The following CDC42EP4 variants were observed in gnomAD, a reference collection of about 807,000 sequenced individuals.
The protein encoded by CDC42EP4 is CDC42 effector protein (Rho GTPase binding) 4.
In CDC42EP4, 6 loss-of-function variants were observed where a neutral mutation model predicts 5.6. The ratio of observed to expected loss-of-function variants is 1.07; its 90% CI spans 0.59 to 2.12. CDC42EP4 has a LOEUF of 2.12. Ranked by LOEUF, CDC42EP4 falls within the 30% of genes most tolerant of loss-of-function variation. CDC42EP4 has a pLI of 0.00. For synonymous variants in CDC42EP4, 230 were observed against 224.2 expected (o/e 1.03, Z -0.23); for missense variants, 490 against 508.6 (o/e 0.96, Z 0.35).
chr17:73,298,995 AC>A, intron 1 of CDC42EP4, among the ~76,000 whole-genome samples: 1 of 151,352 alleles, frequency 6.6e-6, no homozygotes, highest in Non-Finnish European at 1.5e-5. Context: ...CATTGCTGTC[AC>A]CCAGGCTGGA....
intron 1 of CDC42EP4, among the ~76,000 whole-genome samples, chr17:73,305,569 T>G (rs571465930): frequency 1.3e-5 from 2 of 152,234 alleles, no homozygotes; most frequent in Non-Finnish European, 2.9e-5. Flanking sequence ...ATCTTGGCCC[T>G]GCCGGAAGTT....
Position 73,286,381 on chromosome 17 carries a change from A to G in CDC42EP4, c.120T>C (p.Val40=). The change falls in exon 2 of 2, where the codon GTT becomes GTC. Residue 40 remains valine (V), a synonymous_variant. Transcript: ENST00000335793. The surrounding 1 kb of genome is among the most constrained non-coding windows in gnomAD (Gnocchi z 7.7). ...PLGDFRHTMH[V]GRAGDAFGDT... Reference sequence around the variant, plus strand: ...CCCCAAAGGCGTCTCCGGCCCGGCCAACGTGCATGGTGTGGCGGAAGTCGC... The same window carrying G: ...CCCCAAAGGCGTCTCCGGCCCGGCCGACGTGCATGGTGTGGCGGAAGTCGC... The G allele has an allele frequency of 6.2e-7, 1 of 1,614,040 alleles. No individual in the cohort carries two copies. The highest frequency in any genetic ancestry group is 8.5e-7 in the Non-Finnish European group (1 of 1,180,042).
intron 1 of CDC42EP4, among the ~76,000 whole-genome samples, chr17:73,297,167 G>C (rs1370534973): frequency 1.0e-5 from 1 of 99,144 alleles, no homozygotes; most frequent in South Asian, 3.0e-4. Context: ...GGTGGCAGGC[G>C]CCTGTAATCC....
Position 73,286,848 on chromosome 17 carries a change from C to A in CDC42EP4, c.-112-236G>T. The A allele has an allele frequency of 4.3e-6, 1 of 234,334 alleles. No homozygotes were observed. Among genetic ancestry groups the A allele is most frequent in the Non-Finnish European group, 8.4e-6 (1 of 119,590 alleles). 14.5% of individuals were successfully genotyped at this position (234,334 alleles called of 1,614,324 possible). On this transcript the variant is annotated intron_variant, in intron 1 of 1. Coordinates refer to ENST00000335793, the MANE Select transcript of CDC42EP4 (RefSeq NM_012121.5). The surrounding 1 kb of genome is among the most constrained non-coding windows in gnomAD (Gnocchi z 7.7). ...TCCAGTAGCCTCGGACACACTTTCC[C>A]TGAAACTTGAGAGAGACAGAACCTT...
intron 1 of CDC42EP4, among the ~76,000 whole-genome samples, chr17:73,301,729 G>A (rs77151161): frequency 2.1e-5 from 1 of 47,050 alleles, no homozygotes; most frequent in Non-Finnish European, 4.7e-5. Context: ...TTTTTTTTTT[G>A]AGGCCAAGTC....
At chr17:73,308,312 G>A (rs536591559) in intron 1 of CDC42EP4, among the ~76,000 whole-genome samples, 27 of 152,100 alleles carry the variant, frequency 1.8e-4, no homozygotes, top group Non-Finnish European at 2.4e-4. Flanking sequence ...GAAGAGCTAC[G>A]CAGAGCTCAG....
At chr17:73,306,528 C>G (rs892880954) in intron 1 of CDC42EP4, among the ~76,000 whole-genome samples, 1 of 152,086 alleles carries the variant, frequency 6.6e-6, no homozygotes. Context: ...CACAAAACTT[C>G]AATATGATCA....
chr17:73,297,480 A>T (rs545057317), intron 1 of CDC42EP4, among the ~76,000 whole-genome samples: 1 of 152,192 alleles, frequency 6.6e-6, no homozygotes, highest in South Asian at 2.1e-4. Flanking sequence ...TCTCAAAAAA[A>T]ATAAATAAAA....
rs1346454159 is a variant in CDC42EP4, at chr17:73,286,461, A to C, written c.40T>G (p.Ser14Ala). 1 of 1,608,204 alleles carries C rather than the reference A, an allele frequency of 6.2e-7. No individual in the cohort carries two copies. Among genetic ancestry groups the C allele is most frequent in the South Asian group, 1.1e-5 (1 of 90,604 alleles). Reference protein sequence around the residue: ...LKQLVSSSVHSKRRSRADLTA... With the variant: ...LKQLVSSSVHAKRRSRADLTA... ...AGGTCCGCTCGGGAACGGCGCTTGGAGTGCACCGAGCTGGACACCAGTTGC... is the reference window on the plus strand; with the variant it reads ...AGGTCCGCTCGGGAACGGCGCTTGGCGTGCACCGAGCTGGACACCAGTTGC... The change falls in exon 2 of 2, where the codon TCC becomes GCC. Residue 14 changes from serine (S) to alanine (A), a missense_variant. Transcript: ENST00000335793. The surrounding 1 kb of genome is among the most constrained non-coding windows in gnomAD (Gnocchi z 7.7).
chr17:73,292,804 A>C (rs1322981298), intron 1 of CDC42EP4, among the ~76,000 whole-genome samples: 2 of 152,228 alleles, frequency 1.3e-5, no homozygotes, highest in Non-Finnish European at 2.9e-5. Flanking sequence ...GGTTACATAG[A>C]GCCCTCCCTA....
In CDC42EP4 at chr17:73,290,648, A is replaced by C. The variant is rs149630878; in HGVS notation, c.-112-4036T>G. Among the ~76,000 whole-genome samples, 603 of 152,310 alleles carry C rather than the reference A, an allele frequency of 4.0e-3. 4 individuals carry two copies. The highest frequency in any genetic ancestry group is 0.013 in the African/African-American group (559 of 41,566). ...TGAGAAACAGCAGCCTTGAGTGAGA[A>C]CACACAGGTGAAGATAGAGCAGGTA... On this transcript the variant is annotated intron_variant, in intron 1 of 1. Coordinates refer to ENST00000335793, the MANE Select transcript of CDC42EP4 (RefSeq NM_012121.5).
rs1487025789 is a variant in CDC42EP4, at chr17:73,284,318, A to C, written c.*1112T>G. On this transcript the variant is annotated 3_prime_UTR_variant, in exon 2 of 2. Transcript: ENST00000335793. The stretch of plus-strand genomic sequence containing the variant: ...GGAGGGAATAACTCAGCCAAAAAGA[A>C]AAAAAAGGCTTTCCCCCCATAGGAA... The C allele has an allele frequency of 6.6e-6, 1 of 152,054 alleles. No individual in the cohort carries two copies. Among genetic ancestry groups the C allele is most frequent in the African/African-American group, 2.4e-5 (1 of 41,394 alleles). The allele number at this position is 152,054 out of a possible 1,614,324, so 9.4% of individuals were successfully genotyped here.
chr17:73,289,575 A>C (rs2062150565), intron 1 of CDC42EP4, among the ~76,000 whole-genome samples: 1 of 151,216 alleles, frequency 6.6e-6, no homozygotes, highest in East Asian at 1.9e-4. Context: ...AAGAAAAAAA[A>C]CCACCAAAAA....
intron 1 of CDC42EP4, among the ~76,000 whole-genome samples, chr17:73,301,728 T>TTTTTG (rs1405650984): frequency 6.9e-6 from 1 of 144,364 alleles, no homozygotes. Flanking sequence ...TTTTTTTTTT[T>TTTTTG]GAGGCCAAGT....
chr17:73,286,468 C>A lies in CDC42EP4; in HGVS notation c.33G>T (p.Ser11=). The A allele has an allele frequency of 6.2e-7, 1 of 1,602,506 alleles. No individual in the cohort carries two copies. The highest frequency in any genetic ancestry group is 8.5e-7 in the Non-Finnish European group (1 of 1,171,890). The change falls in exon 2 of 2, where the codon TCG becomes TCT. Residue 11 remains serine (S), a synonymous_variant. Transcript: ENST00000335793. This position sits in a 1 kb window ranked among gnomAD's most constrained non-coding sequence, Gnocchi z 7.7. MPILKQLVSS[S]VHSKRRSRAD... ...CTCGGGAACGGCGCTTGGAGTGCACCGAGCTGGACACCAGTTGCTTGAGGA... is the reference window on the plus strand; with the variant it reads ...CTCGGGAACGGCGCTTGGAGTGCACAGAGCTGGACACCAGTTGCTTGAGGA...
Position 73,285,922 on chromosome 17 carries a change from C to T in CDC42EP4, c.579G>A (p.Val193=). 6.2e-7 allele frequency: 1 copy of T among 1,613,956 alleles called. No individual in the cohort carries two copies. The highest frequency in any genetic ancestry group is 8.5e-7 in the Non-Finnish European group (1 of 1,180,042). ...AFGDLTDLPV[V]PKATYGLKHA... Reference sequence around the variant, plus strand: ...GCTTCAGCCCGTACGTGGCCTTGGGCACGACAGGCAGATCTGTCAGATCCC... The same window carrying T: ...GCTTCAGCCCGTACGTGGCCTTGGGTACGACAGGCAGATCTGTCAGATCCC... The change falls in exon 2 of 2, where the codon GTG becomes GTA. Residue 193 remains valine, a synonymous_variant. Transcript: ENST00000335793. This position sits in a 1 kb window ranked among gnomAD's most constrained non-coding sequence, Gnocchi z 6.8.
intron 1 of CDC42EP4, chr17:73,309,988 G>C (rs1166944266): frequency 6.6e-6 from 1 of 152,424 alleles, no homozygotes; most frequent in Non-Finnish European, 1.5e-5. Context: ...ATGAGAGCAG[G>C]AACCGGCAGG....
intron 1 of CDC42EP4, among the ~76,000 whole-genome samples, chr17:73,310,613 A>T (rs1450619936): frequency 6.6e-6 from 1 of 152,152 alleles, no homozygotes; most frequent in Non-Finnish European, 1.5e-5. Flanking sequence ...AGGCAACGAG[A>T]AAAGAAAAGG....
chr17:73,287,766 A>C (rs965636707), intron 1 of CDC42EP4, among the ~76,000 whole-genome samples: 63 of 152,076 alleles, frequency 4.1e-4, no homozygotes, highest in Non-Finnish European at 7.8e-4. Context: ...CCCAGTCCAG[A>C]CCCACTCTTC....
Sources: gnomAD v4.1 joint callset for allele counts (sites outside exome capture counted in the v4.1 genomes callset) on GRCh38, gnomAD v4.1.1 for gene constraint, Gnocchi (gnomAD v3.1) non-coding constraint, MANE v1.5 for transcripts, NCBI Gene and HGNC (gene_info 2026-07-23, HGNC 2026-07-21) for gene names.